CAST: variants seen among roughly 807,000 people sequenced by gnomAD.
The protein encoded by CAST is MIR583 host.
A neutral mutation model predicts 119.6 loss-of-function variants in CAST; 76 were observed. The observed-to-expected ratio is 0.64, with a 90% CI of 0.53 to 0.77. The LOEUF (loss-of-function observed/expected upper bound fraction) is 0.77. Among genes scored for constraint, CAST ranks in the 30% least tolerant of loss-of-function variants. The pLI is 0.00. For missense variants in CAST, 953 were observed against 946.5 expected, an observed-to-expected ratio of 1.01 and a Z score of -0.09; for synonymous variants, 319 against 331.6, an observed-to-expected ratio of 0.96 and a Z score of 0.41.
chr5:96,550,445 A>T (rs1746107118), intron 1 of CAST, among the ~76,000 whole-genome samples: 1 of 152,334 alleles, frequency 6.6e-6, no homozygotes, highest in East Asian at 1.9e-4. Flanking sequence ...AGATAAAACC[A>T]CAAAATGAGG....
At chr5:96,594,618 T>A (rs936479055) in intron 1 of CAST, among the ~76,000 whole-genome samples, 3 of 152,242 alleles carry the variant, frequency 2.0e-5, no homozygotes, top group African/African-American at 7.2e-5. Flanking sequence ...CAAGTCAAGA[T>A]AACCTACAGA....
the CAST span, among the ~76,000 whole-genome samples, chr5:96,189,398 G>A: frequency 6.6e-5 from 10 of 152,256 alleles, no homozygotes; most frequent in African/African-American, 2.4e-4. Flanking sequence ...TCCCCTCAGA[G>A]CACTGATGAT....
At chr5:96,357,144 G>A in the CAST span, among the ~76,000 whole-genome samples, 12 of 152,084 alleles carry the variant, frequency 7.9e-5, no homozygotes, top group African/African-American at 2.9e-4. Flanking sequence ...TCTATTATTG[G>A]TGTATAGGAA....
Position 96,557,013 on chromosome 5 carries a change from G to T in CAST, c.60+27133G>T, listed in dbSNP as rs576168142. ...CCATCAGAATAACAGGGGATCTCTC[G>T]GCAGAAACTCTACAAGCCAGAAGAC... On this transcript the variant is annotated intron_variant, in intron 1 of 11. Coordinates refer to the CAST transcript ENST00000505143. Among the ~76,000 whole-genome samples the T allele has an allele frequency of 1.2e-4, 19 of 152,128 alleles. No individual in the cohort carries two copies. The East Asian group carries it at 2.9e-3, about 23-fold the overall frequency.
the CAST span, among the ~76,000 whole-genome samples, chr5:96,436,365 CAAAAT>C: frequency 9.2e-5 from 14 of 151,962 alleles, no homozygotes; most frequent in Middle Eastern, 3.2e-3. Flanking sequence ...ATTATGATAA[CAAAAT>C]AAAATATAAC....
At chr5:96,127,181 C>T in the CAST span, among the ~76,000 whole-genome samples, 1,086 of 151,938 alleles carry the variant, frequency 7.1e-3, 14 homozygotes, top group African/African-American at 0.025. Context: ...ATAATTTTAC[C>T]TGAATTTATT....
the CAST span, among the ~76,000 whole-genome samples, chr5:96,306,347 A>G: frequency 1.3e-5 from 2 of 151,786 alleles, no homozygotes; most frequent in Non-Finnish European, 2.9e-5. Context: ...TTTCTTGTTT[A>G]TTAGTCTGGC....
chr5:96,713,175 C>T lies in CAST; in HGVS notation c.211-9464C>T, dbSNP rs182577013. 1.1e-4 allele frequency among the ~76,000 whole-genome samples: 16 copies of T among 151,078 alleles called. No individual in the cohort carries two copies. In the East Asian group the frequency reaches 2.1e-3, roughly 20 times the overall value. On this transcript the variant is annotated intron_variant, in intron 3 of 31. Coordinates refer to ENST00000675179, the MANE Select transcript of CAST (RefSeq NM_001750.7). Reference sequence around the variant, plus strand: ...TGAGATGGAGGCTTGCTCTGTCACCCAGCTGGAGTGCAGTGGTGCAATCTT... The same window carrying T: ...TGAGATGGAGGCTTGCTCTGTCACCTAGCTGGAGTGCAGTGGTGCAATCTT...
chr5:96,664,945 G>C (rs1016029861), intron 1 of CAST, among the ~76,000 whole-genome samples: 1 of 152,176 alleles, frequency 6.6e-6, no homozygotes, highest in Admixed American at 6.5e-5. Flanking sequence ...GTTCAGAGTT[G>C]ACATCAAAAT....
At chr5:96,123,491 C>A in the CAST span, among the ~76,000 whole-genome samples, 1 of 152,182 alleles carries the variant, frequency 6.6e-6, no homozygotes, top group Non-Finnish European at 1.5e-5. Flanking sequence ...AGCTCTGACA[C>A]CTTTACATTA....
the CAST span, among the ~76,000 whole-genome samples, chr5:96,252,503 C>G: frequency 6.6e-6 from 1 of 151,944 alleles, no homozygotes; most frequent in Non-Finnish European, 1.5e-5. Context: ...TTCAAGTGCC[C>G]AGAATTTATA....
At chr5:96,395,829 A>C in the CAST span, among the ~76,000 whole-genome samples, 806 of 80,560 alleles carry the variant, frequency 0.01, 3 homozygotes, top group Middle Eastern at 0.022. Flanking sequence ...GTTCAATGAC[A>C]AAAAATAAAT....
chr5:96,549,297 T>G (rs983645655), intron 1 of CAST, among the ~76,000 whole-genome samples: 10 of 152,170 alleles, frequency 6.6e-5, no homozygotes, highest in African/African-American at 2.4e-4. Flanking sequence ...GCATATCAAA[T>G]AAATGGAGGA....
intron 5 of CAST, among the ~76,000 whole-genome samples, chr5:96,727,185 C>T (rs1222200792): frequency 6.6e-6 from 1 of 152,176 alleles, no homozygotes; most frequent in Admixed American, 6.5e-5. Context: ...TTTTCTGTTG[C>T]CCATTTATGT....
chr5:96,560,963 C>G (rs1017988161), intron 1 of CAST, among the ~76,000 whole-genome samples: 5 of 152,306 alleles, frequency 3.3e-5, no homozygotes, highest in Admixed American at 1.3e-4. Context: ...AAATGTCCAA[C>G]AATGATAGAC....
intron 13 of CAST, 153 bp from the exon 14 acceptor site, chr5:96,741,113 A>G: frequency 6.5e-6 from 4 of 611,038 alleles, no homozygotes; most frequent in East Asian, 5.5e-5. Context: ...ACTCTCTTCA[A>G]AACATACACT....
the CAST span, among the ~76,000 whole-genome samples, chr5:96,199,178 G>A: frequency 6.6e-6 from 1 of 152,106 alleles, no homozygotes; most frequent in Non-Finnish European, 1.5e-5. Flanking sequence ...TTAAATTTGA[G>A]ATTTAAGTAT....
intron 26 of CAST, 131 bp from the exon 27 acceptor site, chr5:96,765,922 T>A (rs1424368939): frequency 1.7e-6 from 1 of 597,386 alleles, no homozygotes; most frequent in African/African-American, 1.9e-5. Flanking sequence ...TTCTGTTGCT[T>A]AAAAAATAAA....
the CAST span, among the ~76,000 whole-genome samples, chr5:96,369,950 C>T: frequency 2.5e-4 from 38 of 151,960 alleles, no homozygotes; most frequent in Non-Finnish European, 5.3e-4. Flanking sequence ...CACATAGTAG[C>T]TGCTCAATAA....
Sources: allele counts gnomAD v4.1 joint callset (sites outside exome capture counted in the v4.1 genomes callset), GRCh38; gene constraint gnomAD v4.1.1; transcripts MANE v1.5; gene names NCBI Gene and HGNC (gene_info 2026-07-23, HGNC 2026-07-21).